OSGIN1: variants seen among roughly 807,000 people sequenced by gnomAD.
OSGIN1 encodes oxidative stress induced growth inhibitor 1, also known as oxidative stress-induced growth inhibitor 1.
In OSGIN1, 19 loss-of-function variants were observed where a neutral mutation model predicts 20.1. The observed-to-expected ratio is 0.95, with a 90% CI of 0.66 to 1.39. The LOEUF is 1.39. Ranked by LOEUF, OSGIN1 falls within the 40% of genes most tolerant of loss-of-function variation. The probability of loss-of-function intolerance (pLI) is 0.00; values close to 1 mark genes in which losing one functional copy is unlikely to be tolerated. For synonymous variants in OSGIN1, 368 were observed against 297.8 expected, an observed-to-expected ratio of 1.24 and a Z score of -2.43; for missense variants, 820 against 653.0, an observed-to-expected ratio of 1.26 and a Z score of -2.79.
rs2084202662 is a variant in OSGIN1, at chr16:83,961,000, T to C, written c.416T>C (p.Val139Ala). 6.2e-7 allele frequency: 1 copy of C among 1,613,536 alleles called. No homozygotes were observed. Among genetic ancestry groups the C allele is most frequent in the Non-Finnish European group, 8.5e-7 (1 of 1,179,920 alleles). ...CTGCAGTCCATCGAAGGCTCCATGG[T>C]GATCCTGAGCCAAGGCCAGTGGATG... ...GAWHSIEGSM[V>A]ILSQGQWMGL... The change falls in exon 5 of 6, where the codon GTG (valine) becomes GCG (alanine). Residue 139 changes from valine to alanine, a missense_variant. Transcript: ENST00000393306.
chr16:83,956,905 TTGA>T (rs1908956519), intron 1 of OSGIN1: 1 of 152,166 alleles, frequency 6.6e-6, no homozygotes, highest in Non-Finnish European at 1.5e-5. Flanking sequence ...TTGGGTCCCT[TTGA>T]GCGATTTGGG....
At chr16:83,964,888 C>T (rs79132813) in intron 5 of OSGIN1, among the ~76,000 whole-genome samples, 174 bp from the exon 6 acceptor site, 8,556 of 152,224 alleles carry the variant, frequency 0.056, 353 homozygotes, top group Middle Eastern at 0.082. Context: ...TTGTTAGCTC[C>T]ATTTTACAGA....
intron 3 of OSGIN1, among the ~76,000 whole-genome samples, chr16:83,959,720 G>A (rs1281072121): frequency 6.6e-6 from 1 of 152,162 alleles, no homozygotes; most frequent in African/African-American, 2.4e-5. Flanking sequence ...TAGCAGGGTG[G>A]AGGCCAGGGA....
In OSGIN1 at chr16:83,965,308, C is replaced by T; in HGVS notation, c.735C>T (p.Ala245=). The T allele has an allele frequency of 6.3e-7, 1 of 1,591,312 alleles. No homozygotes were observed. Among genetic ancestry groups the T allele is most frequent in the Non-Finnish European group, 8.6e-7 (1 of 1,167,972 alleles). ...FSLWARNVVL[A]TGTFDSPARL... is the part of the protein sequence containing the mutation. ...TGTGGGCCCGCAACGTGGTCCTCGCCACAGGCACGTTCGACAGCCCGGCCC... is the reference window on the plus strand; with the variant it reads ...TGTGGGCCCGCAACGTGGTCCTCGCTACAGGCACGTTCGACAGCCCGGCCC... The change falls in exon 6 of 6, where the codon GCC becomes GCT. Residue 245 remains alanine, a synonymous_variant. Coordinates refer to ENST00000393306, the MANE Select transcript of OSGIN1 (RefSeq NM_182981.3).
chr16:83,959,461 T>G, intron 3 of OSGIN1, 65 bp downstream of exon 3: 1 of 1,475,490 alleles, frequency 6.8e-7, no homozygotes. Flanking sequence ...TACCGCCGCT[T>G]TCCCAGGGAA....
Position 83,959,304 on chromosome 16 carries a change from T to TAC in OSGIN1, c.117_118dup (p.Pro40HisfsTer65). The TAC allele has an allele frequency of 6.2e-7, 1 of 1,613,388 alleles. No individual in the cohort carries two copies. Among genetic ancestry groups the TAC allele is most frequent in the Non-Finnish European group, 8.5e-7 (1 of 1,179,866 alleles). On this transcript the variant is annotated frameshift_variant, in exon 3 of 6. Coordinates refer to ENST00000393306, the MANE Select transcript of OSGIN1 (RefSeq NM_182981.3). LOFTEE classifies it high-confidence loss of function. ...CTGCCTGTCCTACCTGCTCTCCGGC[T>TAC]ACACACCCTACACGAAGCCAGATGC...
chr16:83,959,435 C>A (rs376458807), intron 3 of OSGIN1, 39 bp downstream of exon 3: 63 of 1,549,760 alleles, frequency 4.1e-5, no homozygotes, highest in Non-Finnish European at 5.1e-5. Flanking sequence ...GTAGTACATA[C>A]CCGCCCTTGG....
intron 5 of OSGIN1, among the ~76,000 whole-genome samples, chr16:83,962,088 C>T (rs1322284310): frequency 6.6e-6 from 1 of 151,718 alleles, no homozygotes; most frequent in African/African-American, 2.4e-5. Context: ...GAAAACAGCT[C>T]ACCCCAAACC....
intron 3 of OSGIN1, among the ~76,000 whole-genome samples, chr16:83,959,797 C>T (rs889716922): frequency 3.3e-5 from 5 of 151,490 alleles, no homozygotes; most frequent in Non-Finnish European, 5.9e-5. Flanking sequence ...TGTGGTGGAG[C>T]TTCTCAACCT....
intron 5 of OSGIN1, 56 bp from the exon 6 acceptor site, chr16:83,965,006 C>A: frequency 1.0e-6 from 1 of 999,130 alleles, no homozygotes; most frequent in Non-Finnish European, 1.5e-6. Flanking sequence ...CCGTCCCACC[C>A]AGCCCCCCAA....
chr16:83,956,405 G>A (rs1278061118), intron 1 of OSGIN1, among the ~76,000 whole-genome samples: 1 of 152,212 alleles, frequency 6.6e-6, no homozygotes, highest in Non-Finnish European at 1.5e-5. Flanking sequence ...TTCTCTGGAA[G>A]AATTCTGGAG....
At chr16:83,965,003 AC>A in intron 5 of OSGIN1, 58 bp from the exon 6 acceptor site, 1 of 494,372 alleles carries the variant, frequency 2.0e-6, no homozygotes, top group Non-Finnish European at 3.8e-6. Flanking sequence ...CTCCCGTCCC[AC>A]CCAGCCCCCC....
At chr16:83,958,861 C>T (rs561230798) in intron 2 of OSGIN1, among the ~76,000 whole-genome samples, 2 of 152,324 alleles carry the variant, frequency 1.3e-5, no homozygotes, top group Admixed American at 1.3e-4. Context: ...GAATCTCAGT[C>T]GCGTCGTCAG....
chr16:83,961,521 G>A (rs1319894911), intron 5 of OSGIN1, among the ~76,000 whole-genome samples: 1 of 152,176 alleles, frequency 6.6e-6, no homozygotes, highest in Non-Finnish European at 1.5e-5. Context: ...TTCTCAGCTT[G>A]ACTTTTCCCT....
Position 83,961,019 on chromosome 16 carries a change from G to C in OSGIN1, c.435G>C (p.Gln145His). ...EGSMVILSQG[Q>H]WMGLPDLEVK... Reference sequence around the variant, plus strand: ...CCATGGTGATCCTGAGCCAAGGCCAGTGGATGGGGCTCCCGGACCTGGAGG... The same window carrying C: ...CCATGGTGATCCTGAGCCAAGGCCACTGGATGGGGCTCCCGGACCTGGAGG... The change falls in exon 5 of 6, where the codon CAG becomes CAC. Residue 145 changes from glutamine (Q) to histidine (H), a missense_variant. By Grantham distance (24) the Gln-to-His change is conservative. Coordinates refer to ENST00000393306, the MANE Select transcript of OSGIN1 (RefSeq NM_182981.3). The C allele has an allele frequency of 6.2e-7, 1 of 1,613,722 alleles. No individual in the cohort carries two copies. The highest frequency in any genetic ancestry group is 8.5e-7 in the Non-Finnish European group (1 of 1,180,020).
chr16:83,959,371 C>T lies in OSGIN1; in HGVS notation c.179C>T (p.Ala60Val), dbSNP rs747199559. 1 of 1,613,798 alleles carries T rather than the reference C, an allele frequency of 6.2e-7. No individual in the cohort carries two copies. The highest frequency in any genetic ancestry group is 8.5e-7 in the Non-Finnish European group (1 of 1,179,950). Residue 60 changes from alanine (A) to valine (V), a missense_variant, in exon 3 of 6, where the codon GCC (alanine) becomes GTC (valine). Physicochemically the swap from Ala to Val is moderately conservative, Grantham distance 64. Coordinates refer to ENST00000393306, the MANE Select transcript of OSGIN1 (RefSeq NM_182981.3). ...HPLLQRKLTE[A>V]PGVSILDQDL... ...CTGCTGCAGAGGAAGCTCACCGAGG[C>T]CCCGGGGGTCTCCATCCTGGACCAG... is the stretch of plus-strand genomic sequence containing the variant.
At chr16:83,961,279 C>G in intron 5 of OSGIN1, 2 of 556,182 alleles carry the variant, frequency 3.6e-6, no homozygotes. Flanking sequence ...CATGAGACAT[C>G]AATCAATATT....
rs766617164 is a variant in OSGIN1, at chr16:83,966,096, C to G, written c.*89C>G. 1.4e-4 allele frequency: 156 copies of G among 1,117,974 alleles called. No homozygotes were observed. The East Asian group carries it at 4.0e-3, about 28-fold the overall frequency. 69.3% of individuals were successfully genotyped at this position (1,117,974 alleles called of 1,614,324 possible). On this transcript the variant is annotated 3_prime_UTR_variant, in exon 6 of 6. Coordinates refer to ENST00000393306, the MANE Select transcript of OSGIN1 (RefSeq NM_182981.3). Reference sequence around the variant, plus strand: ...ATGCAGGACCCGTCCAAAGATGCCCCGGGGAGGGGTGTCAGCCCACGTTGC... The same window carrying G: ...ATGCAGGACCCGTCCAAAGATGCCCGGGGGAGGGGTGTCAGCCCACGTTGC...
In OSGIN1 at chr16:83,965,626, G is replaced by A. The variant is rs144447660; in HGVS notation, c.1053G>A (p.Ser351=). The A allele has an allele frequency of 5.6e-6, 9 of 1,613,022 alleles. No individual in the cohort carries two copies. Among genetic ancestry groups the A allele is most frequent in the South Asian group, 2.2e-5 (2 of 91,072 alleles). ...TGATGCGGGAGCAGTCCATCCTGTC[G>A]CCCAGCCCCTATGAGGGTTACCGCA... ...HQMMREQSIL[S]PSPYEGYRSL... is the part of the protein sequence containing the mutation. Residue 351 remains serine, a synonymous_variant, in exon 6 of 6, where the codon TCG becomes TCA. Transcript: ENST00000393306.
Sources: allele counts gnomAD v4.1 joint callset (sites outside exome capture counted in the v4.1 genomes callset), GRCh38; gene constraint gnomAD v4.1.1; transcripts MANE v1.5; gene names NCBI Gene and HGNC (gene_info 2026-07-23, HGNC 2026-07-21).